Variants in MTHFD2L observed in about 807,000 individuals in gnomAD.
MTHFD2L encodes the protein methylenetetrahydrofolate dehydrogenase (NADP+ dependent) 2 like.
A neutral mutation model predicts 34.9 loss-of-function variants in MTHFD2L; 29 were observed. The observed-to-expected ratio is 0.83, with a 90% CI of 0.62 to 1.13. MTHFD2L has a LOEUF of 1.13. MTHFD2L is among the 50% of genes most tolerant of loss of function. The pLI, the probability that MTHFD2L is intolerant of heterozygous loss-of-function variation, is 0.00. For synonymous variants in MTHFD2L, 167 were observed against 155.7 expected, an observed-to-expected ratio of 1.07 and a Z score of -0.54; for missense variants, 481 against 446.5, an observed-to-expected ratio of 1.08 and a Z score of -0.70.
At chr4:74,142,834 CAA>C (rs577532123) in intron 1 of MTHFD2L, among the ~76,000 whole-genome samples, 2 of 152,026 alleles carry the variant, frequency 1.3e-5, no homozygotes, top group African/African-American at 4.8e-5. Flanking sequence ...CAGTCTTGGA[CAA>C]AAAAATCCCC....
intron 1 of MTHFD2L, among the ~76,000 whole-genome samples, chr4:74,143,967 A>C (rs1353428919): frequency 6.6e-6 from 1 of 152,192 alleles, no homozygotes; most frequent in African/African-American, 2.4e-5. Context: ...AGAAGGTAGC[A>C]ATTGGAAAAG....
chr4:74,145,265 C>T (rs145625585), intron 1 of MTHFD2L, among the ~76,000 whole-genome samples: 45 of 151,676 alleles, frequency 3.0e-4, no homozygotes, highest in Non-Finnish European at 1.8e-4. Context: ...CAAAATAATA[C>T]AAATAAAAAA....
intron 3 of MTHFD2L, chr4:74,190,518 C>T: frequency 2.0e-6 from 2 of 985,352 alleles, no homozygotes; most frequent in Non-Finnish European, 2.4e-6. Flanking sequence ...GCCTAGAGAA[C>T]TCCTTCCAGT....
At chr4:74,189,101 A>G (rs981572417) in intron 3 of MTHFD2L, among the ~76,000 whole-genome samples, 1 of 152,134 alleles carries the variant, frequency 6.6e-6, no homozygotes, top group Non-Finnish European at 1.5e-5. Context: ...CAAGGCGATA[A>G]CTTTTGTTTG....
chr4:74,206,343 A>G (rs1270591887), intron 5 of MTHFD2L, among the ~76,000 whole-genome samples: 1 of 152,116 alleles, frequency 6.6e-6, no homozygotes, highest in Non-Finnish European at 1.5e-5. Flanking sequence ...TGTCATCTCA[A>G]CAACGGCTGG....
At chr4:74,201,168 A>G in intron 4 of MTHFD2L, 95 bp from the exon 5 acceptor site, 5 of 803,770 alleles carry the variant, frequency 6.2e-6, no homozygotes, top group Non-Finnish European at 9.9e-6. Flanking sequence ...AGATTTAATT[A>G]GAAATTTTTA....
chr4:74,261,608 AT>A (rs1744689945), intron 6 of MTHFD2L, among the ~76,000 whole-genome samples: 2 of 152,110 alleles, frequency 1.3e-5, no homozygotes, highest in Admixed American at 1.3e-4. Flanking sequence ...GGAAAGATTT[AT>A]TCCACAAAAG....
At chr4:74,248,367 C>T (rs952312359) in intron 6 of MTHFD2L, among the ~76,000 whole-genome samples, 11 of 152,136 alleles carry the variant, frequency 7.2e-5, no homozygotes, top group African/African-American at 2.7e-4. Context: ...TGATTCTTCT[C>T]TCTTTTATTC....
At chr4:74,160,593 A>T (rs1290436576) in intron 1 of MTHFD2L, 1 of 152,356 alleles carries the variant, frequency 6.6e-6, no homozygotes, top group Non-Finnish European at 1.5e-5. Flanking sequence ...AATTGGGGGA[A>T]ATTAATGTTA....
intron 7 of MTHFD2L, among the ~76,000 whole-genome samples, chr4:74,294,412 A>G (rs761413278): frequency 6.6e-5 from 10 of 152,092 alleles, no homozygotes; most frequent in Middle Eastern, 3.2e-3. Context: ...GAACCTGGGA[A>G]CATAAAGTTT....
At chr4:74,192,123 TA>T (rs1050923723) in intron 3 of MTHFD2L, among the ~76,000 whole-genome samples, 4 of 152,168 alleles carry the variant, frequency 2.6e-5, no homozygotes, top group South Asian at 2.1e-4. Context: ...AGGAGGCGGT[TA>T]AAAAATATAT....
At chr4:74,298,078 T>A (rs1391369169) in intron 7 of MTHFD2L, among the ~76,000 whole-genome samples, 1 of 152,070 alleles carries the variant, frequency 6.6e-6, no homozygotes, top group Admixed American at 6.6e-5. Flanking sequence ...AATAGAAACC[T>A]AATATGTGTT....
intron 3 of MTHFD2L, chr4:74,195,619 CTG>C (rs988554847): frequency 5.3e-5 from 8 of 152,338 alleles, no homozygotes; most frequent in African/African-American, 1.9e-4. Flanking sequence ...CCCTGAAAAT[CTG>C]AGACAAATGT....
At chr4:74,281,375 T>A in intron 6 of MTHFD2L, 50 bp from the exon 7 acceptor site, 1 of 1,559,514 alleles carries the variant, frequency 6.4e-7, no homozygotes, top group Non-Finnish European at 8.7e-7. Context: ...CCAAAACAGA[T>A]ATGTACACCT....
At chr4:74,190,621 C>T (rs776450416) in intron 3 of MTHFD2L, 52 of 598,992 alleles carry the variant, frequency 8.7e-5, no homozygotes, top group Non-Finnish European at 1.1e-4. Flanking sequence ...TCCCCTTGTC[C>T]CTTGATGTTG....
Position 74,201,389 on chromosome 4 carries a change from AT to A in MTHFD2L, c.712+21del, listed in dbSNP as rs569264825. 41 of 1,514,966 alleles carry A rather than the reference AT, an allele frequency of 2.7e-5. No individual in the cohort carries two copies. Among genetic ancestry groups the A allele is most frequent in the Non-Finnish European group, 3.8e-5 (41 of 1,093,308 alleles). The allele number at this position is 1,514,966 out of a possible 1,614,324, so 93.8% of individuals were successfully genotyped here. The stretch of plus-strand genomic sequence containing the variant: ...CCAGGAGGTAGGTAGAACCTTGCAG[AT>A]TCTACACTCTCTCGCAGTATTCTTA... On this transcript the variant is annotated intron_variant, in intron 5 of 7. Coordinates refer to ENST00000325278, the MANE Select transcript of MTHFD2L (RefSeq NM_001144978.3).
At chr4:74,180,217 A>G (rs1269747) in intron 3 of MTHFD2L, among the ~76,000 whole-genome samples, 150,819 of 152,216 alleles carry the variant, frequency 0.99, 74,733 homozygotes, top group Middle Eastern at 1. Context: ...CAAGGGCTGG[A>G]CATCAGCCTT....
chr4:74,246,859 A>G (rs373840054), intron 6 of MTHFD2L, among the ~76,000 whole-genome samples: 2 of 152,062 alleles, frequency 1.3e-5, no homozygotes, highest in African/African-American at 4.8e-5. Flanking sequence ...GGTACCAGTA[A>G]CATGCTGTTT....
At chr4:74,157,442 A>G, upstream of MTHFD2L, 1 of 355,000 alleles carries the variant, frequency 2.8e-6, no homozygotes, top group Non-Finnish European at 5.6e-6. Context: ...CAGAGGGAGC[A>G]GATATTTTGC....
Sources: allele counts gnomAD v4.1 joint callset (sites outside exome capture counted in the v4.1 genomes callset), GRCh38; gene constraint gnomAD v4.1.1; transcripts MANE v1.5; gene names NCBI Gene and HGNC (gene_info 2026-07-23, HGNC 2026-07-21).